The following CSMD1 variants were observed in gnomAD, a reference collection of about 807,000 sequenced individuals.
CSMD1 encodes CUB and Sushi multiple domains 1.
A neutral mutation model predicts 417.5 loss-of-function variants in CSMD1; 213 were observed. The ratio of observed to expected loss-of-function variants is 0.51; its 90% CI spans 0.46 to 0.57. The LOEUF (loss-of-function observed/expected upper bound fraction) is 0.57, where lower values mean the gene tolerates loss of function less well. Ranked by LOEUF, CSMD1 falls within the 20% of genes least tolerant of loss-of-function variation. The pLI is 0.00. For missense variants in CSMD1, 6,923 were observed against 4,529.7 expected (o/e 1.53, Z -15.17); for synonymous variants, 2,862 against 1,736.8 (o/e 1.65, Z -16.11).
At chr8:3,302,800 G>A (rs949881142) in intron 25 of CSMD1, among the ~76,000 whole-genome samples, 5 of 152,176 alleles carry the variant, frequency 3.3e-5, no homozygotes, top group Non-Finnish European at 5.9e-5. Context: ...ATGTACCATG[G>A]CAGCTGAAAT....
chr8:3,480,052 C>T (rs1272780622), intron 11 of CSMD1, among the ~76,000 whole-genome samples: 1 of 151,996 alleles, frequency 6.6e-6, no homozygotes, highest in Non-Finnish European at 1.5e-5. Context: ...ACAACAGAGA[C>T]AAAACAGACT....
intron 1 of CSMD1, among the ~76,000 whole-genome samples, chr8:4,806,760 A>G (rs1310457713): frequency 6.6e-6 from 1 of 152,174 alleles, no homozygotes; most frequent in Non-Finnish European, 1.5e-5. Flanking sequence ...AAAACCACCC[A>G]TTTGATCACA....
At chr8:3,744,677 A>T (rs1239954385) in intron 6 of CSMD1, among the ~76,000 whole-genome samples, 1 of 152,214 alleles carries the variant, frequency 6.6e-6, no homozygotes, top group Non-Finnish European at 1.5e-5. Context: ...ATGCCTACAG[A>T]CAGGTAGCAA....
At position 4,444,212 on chromosome 8, in the gene CSMD1, C is replaced by G. The variant is rs374430282; in HGVS notation, c.303-24147G>C. On this transcript the variant is annotated intron_variant, in intron 2 of 69. Coordinates refer to ENST00000635120, the MANE Select transcript of CSMD1 (RefSeq NM_033225.6). ...TAAAAACTAGCCAGGCATGGTGGCA[C>G]AGACCTGTGATCCCAACTACTCGGG... 9.2e-5 allele frequency among the ~76,000 whole-genome samples: 14 copies of G among 151,854 alleles called. No homozygotes were observed. The East Asian group carries it at 1.2e-3, about 13-fold the overall frequency.
chr8:4,190,752 A>G (rs868617029), intron 3 of CSMD1, among the ~76,000 whole-genome samples: 1 of 152,214 alleles, frequency 6.6e-6, no homozygotes, highest in Non-Finnish European at 1.5e-5. Context: ...ATAACTAATT[A>G]AACAGTACTA....
intron 3 of CSMD1, among the ~76,000 whole-genome samples, chr8:4,071,427 T>C (rs144898744): frequency 3.3e-5 from 5 of 152,272 alleles, no homozygotes; most frequent in African/African-American, 1.2e-4. Flanking sequence ...AGATATTTAA[T>C]TATTCATTTG....
rs540317306 is a variant in CSMD1, at chr8:4,435,882, G to C, written c.303-15817C>G. Among the ~76,000 whole-genome samples, 5 of 152,324 alleles carry C rather than the reference G, an allele frequency of 3.3e-5. No individual in the cohort carries two copies. The East Asian group carries it at 9.7e-4, about 29-fold the overall frequency. On this transcript the variant is annotated intron_variant, in intron 2 of 69. Transcript: ENST00000635120. Reference sequence around the variant, plus strand: ...GTATTAGGACTGTGTGACCCTGAGAGTGGAGTGTGTGTCAAATGTAGATTT... The same window carrying C: ...GTATTAGGACTGTGTGACCCTGAGACTGGAGTGTGTGTCAAATGTAGATTT...
At chr8:3,674,302 T>C (rs1799253122) in intron 7 of CSMD1, among the ~76,000 whole-genome samples, 1 of 152,180 alleles carries the variant, frequency 6.6e-6, no homozygotes, top group African/African-American at 2.4e-5. Context: ...TCACCCAAAA[T>C]ACCACATTCT....
At chr8:4,812,863 G>A (rs1031498685) in intron 1 of CSMD1, among the ~76,000 whole-genome samples, 4 of 152,004 alleles carry the variant, frequency 2.6e-5, no homozygotes, top group East Asian at 3.9e-4. Context: ...ATATGTTATC[G>A]CTATGTTTTA....
At chr8:3,524,354 G>A (rs1210873665) in intron 10 of CSMD1, among the ~76,000 whole-genome samples, 1 of 144,506 alleles carries the variant, frequency 6.9e-6, no homozygotes, top group Non-Finnish European at 1.5e-5. Flanking sequence ...CACCCAGAAA[G>A]ACAGGCGCAC....
intron 3 of CSMD1, among the ~76,000 whole-genome samples, chr8:4,409,573 G>T (rs902689999): frequency 1.3e-5 from 2 of 151,730 alleles, no homozygotes; most frequent in African/African-American, 4.8e-5. Context: ...CAACACTTCA[G>T]CAGGGATGAA....
Position 3,813,487 on chromosome 8 carries a change from T to C in CSMD1, c.819-59445A>G, listed in dbSNP as rs568554397. Reference sequence around the variant, plus strand: ...TAATGTCGTATCTTTTGGACTTTTATGTGCATTAAAAGAAGGGCTGGCGTG... The same window carrying C: ...TAATGTCGTATCTTTTGGACTTTTACGTGCATTAAAAGAAGGGCTGGCGTG... On this transcript the variant is annotated intron_variant, in intron 5 of 69. Transcript: ENST00000635120. Among the ~76,000 whole-genome samples the C allele has an allele frequency of 5.3e-5, 8 of 152,296 alleles. No individual in the cohort carries two copies. In the South Asian group the frequency reaches 1.7e-3, roughly 32 times the overall value.
intron 57 of CSMD1, among the ~76,000 whole-genome samples, chr8:2,968,370 T>C (rs752942256): frequency 1.6e-4 from 25 of 152,232 alleles, no homozygotes; most frequent in Non-Finnish European, 2.4e-4. Context: ...TGCTATTCAA[T>C]TGTATGTCTA....
Position 4,982,985 on chromosome 8 carries a change from T to C in CSMD1, c.85+11347A>G, listed in dbSNP as rs531465343. Among the ~76,000 whole-genome samples the C allele has an allele frequency of 5.3e-5, 8 of 152,282 alleles. No individual in the cohort carries two copies. In the East Asian group the frequency reaches 9.6e-4, roughly 18 times the overall value. ...AAAAAGCGGAGAGATAAAATAGTCA[T>C]GAAGATCAAAATGACAATTGAAGGC... On this transcript the variant is annotated intron_variant, in intron 1 of 69. Coordinates refer to ENST00000635120, the MANE Select transcript of CSMD1 (RefSeq NM_033225.6).
chr8:4,850,037 C>A (rs561316681), intron 1 of CSMD1, among the ~76,000 whole-genome samples: 4 of 152,154 alleles, frequency 2.6e-5, no homozygotes, highest in African/African-American at 9.7e-5. Flanking sequence ...GTGTTACGTA[C>A]GTACTATACT....
intron 2 of CSMD1, among the ~76,000 whole-genome samples, chr8:4,454,124 C>A (rs954196962): frequency 5.3e-5 from 8 of 152,064 alleles, no homozygotes; most frequent in Non-Finnish European, 8.8e-5. Context: ...GCCCAGCCTG[C>A]AATTCATTCT....
intron 10 of CSMD1, among the ~76,000 whole-genome samples, chr8:3,560,073 G>T (rs185713587): frequency 6.9e-4 from 105 of 152,146 alleles, no homozygotes; most frequent in African/African-American, 2.4e-3. Flanking sequence ...TTCTGGATCT[G>T]TTCACTAGAA....
intron 10 of CSMD1, among the ~76,000 whole-genome samples, chr8:3,529,752 C>A (rs1162232002): frequency 6.6e-6 from 1 of 152,128 alleles, no homozygotes; most frequent in Non-Finnish European, 1.5e-5. Flanking sequence ...CGGAATTTAG[C>A]CATGCAAAAT....
At chr8:3,907,021 G>A (rs1230854957) in intron 5 of CSMD1, among the ~76,000 whole-genome samples, 1 of 152,128 alleles carries the variant, frequency 6.6e-6, no homozygotes, top group Non-Finnish European at 1.5e-5. Flanking sequence ...CCCTTTCATA[G>A]ATGAGAAAAA....
Sources: allele counts gnomAD v4.1 joint callset (sites outside exome capture counted in the v4.1 genomes callset), GRCh38; gene constraint gnomAD v4.1.1; transcripts MANE v1.5; gene names NCBI Gene and HGNC (gene_info 2026-07-23, HGNC 2026-07-21).